NR2C2: variants seen among roughly 807,000 people sequenced by gnomAD.
NR2C2 encodes the protein Nuclear hormone receptor TR4.
In NR2C2, 6 loss-of-function variants were observed where a neutral mutation model predicts 62.9. The observed-to-expected ratio is 0.10, with a 90% CI of 0.05 to 0.19. The LOEUF is 0.19. NR2C2 is among the 10% of genes least tolerant of loss of function. The pLI, the probability that NR2C2 is intolerant of heterozygous loss-of-function variation, is 1.00. For synonymous variants in NR2C2, 272 were observed against 273.8 expected (o/e 0.99, Z 0.07); for missense variants, 479 against 762.7 (o/e 0.63, Z 4.38).
At chr3:14,999,684 A>G (rs1474187630) in intron 1 of NR2C2, among the ~76,000 whole-genome samples, 1 of 150,532 alleles carries the variant, frequency 6.6e-6, no homozygotes, top group African/African-American at 2.5e-5. Context: ...TTTTTTTTGT[A>G]ATAGTGCAAG....
At chr3:14,963,631 C>T (rs1456777654) in intron 1 of NR2C2, among the ~76,000 whole-genome samples, 2 of 152,004 alleles carry the variant, frequency 1.3e-5, no homozygotes, top group Admixed American at 6.6e-5. Flanking sequence ...ACACCACGCC[C>T]GGCTAATTTT....
intron 1 of NR2C2, among the ~76,000 whole-genome samples, chr3:14,953,007 A>G (rs886573050): frequency 1.3e-5 from 2 of 152,252 alleles, no homozygotes; most frequent in African/African-American, 4.8e-5. Flanking sequence ...TAAAGGTACA[A>G]TAAATGCAGA....
At chr3:15,010,418 AAAAAG>A (rs2041319100) in intron 2 of NR2C2, among the ~76,000 whole-genome samples, 1 of 152,086 alleles carries the variant, frequency 6.6e-6, no homozygotes. Flanking sequence ...TCTTTGAGAA[AAAAAG>A]AAAAGAATAA....
chr3:15,004,653 G>A (rs1165780270), intron 2 of NR2C2: 2 of 1,604,606 alleles, frequency 1.2e-6, no homozygotes, highest in South Asian at 2.2e-5. Flanking sequence ...CTGGGAGGAA[G>A]GGATAATATA....
Position 14,947,786 on chromosome 3 carries a change from G to C in NR2C2, c.-160G>C, listed in dbSNP as rs1164482004. ...GCTGCCCCGCGAGCCCGCGGCCCCC[G>C]GGCTCCCGCCATCCGCCGACACCGG... On this transcript the variant is annotated 5_prime_UTR_variant, in exon 1 of 14. Coordinates refer to ENST00000425241, the MANE Select transcript of NR2C2 (RefSeq NM_001291694.2). 2.1e-5 allele frequency: 3 copies of C among 146,314 alleles called. No homozygotes were observed. The allele number at this position is 146,314 out of a possible 1,614,324, so 9.1% of individuals were successfully genotyped here. A position where few individuals can be genotyped will look rare whatever the true frequency, so the allele number is the denominator to read the frequency against.
rs368844583 is a variant in NR2C2 at position 15,039,074 on chromosome 3, C to A, written c.1511-48C>A. The A allele has an allele frequency of 7.8e-6, 11 of 1,416,508 alleles. No individual in the cohort carries two copies. The East Asian group carries it at 1.8e-4, about 24-fold the overall frequency. The allele number at this position is 1,416,508 out of a possible 1,614,324, so 87.7% of individuals were successfully genotyped here. On this transcript the variant is annotated intron_variant, in intron 12 of 13. Transcript: ENST00000425241. The stretch of plus-strand genomic sequence containing the variant: ...AGTACTAAGAAGTCTACAAGTGAGA[C>A]TTTTCAAATACAGAGGGAACTGGGG...
intron 1 of NR2C2, among the ~76,000 whole-genome samples, chr3:15,001,467 T>C (rs1167145745): frequency 6.6e-6 from 1 of 151,856 alleles, no homozygotes; most frequent in African/African-American, 2.4e-5. Flanking sequence ...CCTGAGTAGC[T>C]GGGATTACAG....
rs1157018789 is a variant in NR2C2 at position 15,044,561 on chromosome 3, C to T, written c.*1553C>T. 5 of 152,166 alleles carry T rather than the reference C, an allele frequency of 3.3e-5. No individual in the cohort carries two copies. Among genetic ancestry groups the T allele is most frequent in the African/African-American group, 7.2e-5 (3 of 41,422 alleles). 9.4% of individuals were successfully genotyped at this position (152,166 alleles called of 1,614,324 possible). A position where few individuals can be genotyped will look rare whatever the true frequency, so the allele number is the denominator to read the frequency against. On this transcript the variant is annotated 3_prime_UTR_variant, in exon 14 of 14. Transcript: ENST00000425241. ...TGAGAACAGTGGCATGTGGAAGACC[C>T]GGTCAATTGCTTTGTCTTTTGCTTT...
chr3:14,978,015 ATGCCAT>A (rs1477684626), intron 1 of NR2C2, among the ~76,000 whole-genome samples: 26 of 152,172 alleles, frequency 1.7e-4, no homozygotes, highest in African/African-American at 6.3e-4. Context: ...AAATATGATC[ATGCCAT>A]TGCACTACAG....
In NR2C2 at chr3:15,046,769, CA is replaced by C. The variant is rs2042467251; in HGVS notation, c.*3762del. 6.5e-6 allele frequency: 1 copy of C among 152,680 alleles called. No individual in the cohort carries two copies. Among genetic ancestry groups the C allele is most frequent in the South Asian group, 2.1e-4 (1 of 4,836 alleles). The allele number at this position is 152,680 out of a possible 1,614,324, so 9.5% of individuals were successfully genotyped here. On this transcript the variant is annotated 3_prime_UTR_variant, in exon 14 of 14. Coordinates refer to ENST00000425241, the MANE Select transcript of NR2C2 (RefSeq NM_001291694.2). ...CTTTTCTCCCAGGGAAGGCGGTGCC[CA>C]CTGGGCCCTGGGAATGCCTGAGCCA... is the stretch of plus-strand genomic sequence containing the variant.
At chr3:14,958,015 C>T (rs1017137705) in intron 1 of NR2C2, among the ~76,000 whole-genome samples, 2 of 152,202 alleles carry the variant, frequency 1.3e-5, no homozygotes, top group African/African-American at 2.4e-5. Context: ...TGTCATCCAT[C>T]TGTCTTTCCT....
chr3:15,006,413 T>C (rs1400793809), intron 2 of NR2C2, among the ~76,000 whole-genome samples: 2 of 152,198 alleles, frequency 1.3e-5, no homozygotes, highest in Admixed American at 1.3e-4. Context: ...ACCTATCTTA[T>C]AAACTTTATA....
At chr3:14,991,164 A>G (rs1187854079) in intron 1 of NR2C2, among the ~76,000 whole-genome samples, 3 of 152,262 alleles carry the variant, frequency 2.0e-5, no homozygotes, top group Non-Finnish European at 4.4e-5. Flanking sequence ...GAATTCTGAT[A>G]TAAATGATGC....
intron 1 of NR2C2, among the ~76,000 whole-genome samples, chr3:14,995,642 GT>G (rs1298596529): frequency 6.8e-6 from 1 of 146,726 alleles, no homozygotes; most frequent in Non-Finnish European, 1.5e-5. Context: ...TTGTGTACCA[GT>G]TTTTCTGTGG....
Position 15,000,711 on chromosome 3 carries a change from G to A in NR2C2, c.-39-3165G>A, listed in dbSNP as rs563452948. Among the ~76,000 whole-genome samples the A allele has an allele frequency of 2.6e-5, 4 of 151,982 alleles. No homozygotes were observed. In the East Asian group the frequency reaches 5.8e-4, roughly 22 times the overall value. ...TCATTTTGTCAATTTATGCAAAAAA[G>A]CACCTGAAATTTTGATAGGGATTAC... On this transcript the variant is annotated intron_variant, in intron 1 of 13. Coordinates refer to ENST00000425241, the MANE Select transcript of NR2C2 (RefSeq NM_001291694.2).
intron 1 of NR2C2, among the ~76,000 whole-genome samples, chr3:14,962,655 CTTT>C (rs1228029134): frequency 1.1e-4 from 13 of 123,610 alleles, no homozygotes; most frequent in East Asian, 2.4e-4. Context: ...TTATTTGTAA[CTTT>C]TTTTTTTTTT....
intron 1 of NR2C2, among the ~76,000 whole-genome samples, chr3:14,953,894 C>CAAAAAAAAAA (rs538255184): frequency 1.5e-4 from 11 of 74,318 alleles, no homozygotes; most frequent in African/African-American, 4.1e-4. Context: ...GACTTCATCT[C>CAAAAAAAAAA]AAAAAAAAAA....
chr3:15,015,777 C>T (rs1206298238), intron 3 of NR2C2, among the ~76,000 whole-genome samples: 1 of 152,164 alleles, frequency 6.6e-6, no homozygotes, highest in African/African-American at 2.4e-5. Flanking sequence ...TGTAATTAAA[C>T]ATTACTTTGC....
chr3:14,969,185 T>C (rs2039960770), intron 1 of NR2C2, among the ~76,000 whole-genome samples: 1 of 151,894 alleles, frequency 6.6e-6, no homozygotes. Flanking sequence ...TAACTGGAAA[T>C]TTAAAGCAGA....
Sources: allele counts gnomAD v4.1 joint callset (sites outside exome capture counted in the v4.1 genomes callset), GRCh38; gene constraint gnomAD v4.1.1; transcripts MANE v1.5; gene names NCBI Gene and HGNC (gene_info 2026-07-23, HGNC 2026-07-21).